The following ITGB3 variants were observed in gnomAD, a reference collection of about 807,000 sequenced individuals.
ITGB3 encodes integrin subunit beta 3.
In ITGB3, 48 loss-of-function variants were observed where a neutral mutation model predicts 85.8. The ratio of observed to expected loss-of-function variants is 0.56; its 90% CI spans 0.44 to 0.71. ITGB3 has a LOEUF of 0.71. Ranked by LOEUF, ITGB3 falls within the 30% of genes least tolerant of loss-of-function variation. The probability of loss-of-function intolerance (pLI) is 0.00; values close to 1 mark genes in which losing one functional copy is unlikely to be tolerated. For synonymous variants in ITGB3, 363 were observed against 395.6 expected (o/e 0.92, Z 0.98); for missense variants, 861 against 1,019.1 (o/e 0.84, Z 2.11).
Position 47,310,216 on chromosome 17 carries a change from C to T in ITGB3, c.*12C>T, listed in dbSNP as rs763559573. ...ACCGGGGCACTTAATGATAAGCAGT[C>T]ATCCTCAGATCATTATCAGCCTGTG... is the stretch of plus-strand genomic sequence containing the variant. On this transcript the variant is annotated 3_prime_UTR_variant, in exon 15 of 15. Transcript: ENST00000559488. The T allele has an allele frequency of 1.4e-5, 23 of 1,609,932 alleles. No homozygotes were observed. The East Asian group carries it at 5.1e-4, about 36-fold the overall frequency.
intron 2 of ITGB3, among the ~76,000 whole-genome samples, chr17:47,277,667 A>G (rs957200937): frequency 3.9e-5 from 6 of 152,234 alleles, no homozygotes; most frequent in Non-Finnish European, 7.3e-5. Context: ...TGTCCCAAAT[A>G]TTTGCTAAAT....
At chr17:47,263,916 G>T (rs1598679136) in intron 1 of ITGB3, among the ~76,000 whole-genome samples, 1 of 152,272 alleles carries the variant, frequency 6.6e-6, no homozygotes, top group Non-Finnish European at 1.5e-5. Context: ...TTTCCCTTGT[G>T]AACAAAAGTT....
rs544276300 is a variant in ITGB3, at chr17:47,274,437, C to T, written c.98C>T (p.Thr33Met). The change falls in exon 2 of 15, where the codon ACG becomes ATG. Residue 33 changes from threonine to methionine, a missense_variant. Coordinates refer to ENST00000559488, the MANE Select transcript of ITGB3 (RefSeq NM_000212.3). ...GTTGCAGGGCCCAACATCTGTACCACGCGAGGTGTGAGCTCCTGCCAGCAG... is the reference window on the plus strand; with the variant it reads ...GTTGCAGGGCCCAACATCTGTACCATGCGAGGTGTGAGCTCCTGCCAGCAG... ...VGVGGPNICT[T>M]RGVSSCQQCL... is the part of the protein sequence containing the mutation. The T allele has an allele frequency of 1.2e-5, 19 of 1,613,260 alleles. No homozygotes were observed. Among genetic ancestry groups the T allele is most frequent in the East Asian group, 4.5e-5 (2 of 44,880 alleles).
chr17:47,282,499 A>T (rs932680255), intron 2 of ITGB3, among the ~76,000 whole-genome samples: 2 of 152,228 alleles, frequency 1.3e-5, no homozygotes, highest in Non-Finnish European at 2.9e-5. Flanking sequence ...ACAGCTGAGG[A>T]AACTAGGCTT....
chr17:47,308,978 C>G (rs2065202063), intron 14 of ITGB3, among the ~76,000 whole-genome samples: 1 of 133,864 alleles, frequency 7.5e-6, no homozygotes, highest in Non-Finnish European at 1.6e-5. Flanking sequence ...CCTCCCCTCC[C>G]CTTCCTTTTA....
intron 10 of ITGB3, among the ~76,000 whole-genome samples, chr17:47,294,512 C>A (rs1741281978): frequency 6.6e-6 from 1 of 152,186 alleles, no homozygotes; most frequent in Non-Finnish European, 1.5e-5. Flanking sequence ...TGCCTCTCAC[C>A]AGTGCAAGAA....
intron 2 of ITGB3, among the ~76,000 whole-genome samples, chr17:47,280,987 C>A (rs1325948914): frequency 6.6e-6 from 1 of 152,188 alleles, no homozygotes; most frequent in Admixed American, 6.5e-5. Flanking sequence ...CAACTTTGAG[C>A]AAATTCCTTA....
chr17:47,261,342 G>A (rs889447715), intron 1 of ITGB3, among the ~76,000 whole-genome samples: 3 of 152,018 alleles, frequency 2.0e-5, no homozygotes, highest in Non-Finnish European at 4.4e-5. Flanking sequence ...TTTAAAAAAA[G>A]GCAGCTCAGA....
intron 1 of ITGB3, among the ~76,000 whole-genome samples, chr17:47,254,740 G>A (rs560672333): frequency 6.6e-6 from 1 of 152,292 alleles, no homozygotes; most frequent in East Asian, 1.9e-4. Context: ...TTGGTACTGG[G>A]GACACAGGTG....
chr17:47,292,601 A>T (rs1389145968), intron 10 of ITGB3, 33 bp downstream of exon 10: 1 of 1,597,022 alleles, frequency 6.3e-7, no homozygotes, highest in Non-Finnish European at 8.5e-7. Context: ...CTGTCCTGGA[A>T]CCCACACCCC....
chr17:47,266,756 A>C (rs1008712497), intron 1 of ITGB3, among the ~76,000 whole-genome samples: 3 of 151,978 alleles, frequency 2.0e-5, no homozygotes, highest in Non-Finnish European at 2.9e-5. Flanking sequence ...TTTTAAAAAA[A>C]TTTTCATAGA....
intron 1 of ITGB3, among the ~76,000 whole-genome samples, chr17:47,270,312 A>G (rs2065040038): frequency 6.6e-6 from 1 of 152,094 alleles, no homozygotes; most frequent in Non-Finnish European, 1.5e-5. Flanking sequence ...GTCCAGAATT[A>G]CCCCTTGGCA....
At chr17:47,307,147 C>A (rs2065191565) in intron 13 of ITGB3, among the ~76,000 whole-genome samples, 1 of 152,034 alleles carries the variant, frequency 6.6e-6, no homozygotes, top group Admixed American at 6.5e-5. Flanking sequence ...CCACCTCCTC[C>A]CCGTCTCCAC....
At chr17:47,301,590 G>A (rs1046792501) in intron 12 of ITGB3, among the ~76,000 whole-genome samples, 2 of 152,098 alleles carry the variant, frequency 1.3e-5, no homozygotes, top group African/African-American at 4.8e-5. Context: ...GGGTATTACA[G>A]GCTAATTGAT....
At chr17:47,304,673 T>C (rs2065180677) in intron 13 of ITGB3, among the ~76,000 whole-genome samples, 1 of 152,154 alleles carries the variant, frequency 6.6e-6, no homozygotes, top group Non-Finnish European at 1.5e-5. Flanking sequence ...AGCGGCGTGA[T>C]CTTGGCTCAC....
chr17:47,255,346 T>G (rs1467832219), intron 1 of ITGB3, among the ~76,000 whole-genome samples: 2 of 152,098 alleles, frequency 1.3e-5, no homozygotes, highest in Admixed American at 6.5e-5. Context: ...TCGAAAATAC[T>G]TTAGTGATTC....
At chr17:47,289,379 G>A (rs561247567) in intron 6 of ITGB3, among the ~76,000 whole-genome samples, 1 of 152,044 alleles carries the variant, frequency 6.6e-6, no homozygotes, top group African/African-American at 2.4e-5. Context: ...AGGCTGGAGT[G>A]CAGTGGTGCA....
At position 47,310,156 on chromosome 17, in the gene ITGB3, T is replaced by C. The variant is rs765101815; in HGVS notation, c.2319T>C (p.Tyr773=). 1.2e-6 allele frequency: 2 copies of C among 1,614,018 alleles called. No individual in the cohort carries two copies. The highest frequency in any genetic ancestry group is 1.1e-5 in the South Asian group (1 of 91,068). ...AKWDTANNPL[Y]KEATSTFTNI... ...CTCCACAGGCCAACAACCCACTGTA[T>C]AAAGAGGCCACGTCTACCTTCACCA... The change falls in exon 15 of 15, where the codon TAT becomes TAC. Residue 773 remains tyrosine, a synonymous_variant. Transcript: ENST00000559488.
chr17:47,265,597 C>A (rs1272307228), intron 1 of ITGB3, among the ~76,000 whole-genome samples: 3 of 152,170 alleles, frequency 2.0e-5, no homozygotes, highest in Non-Finnish European at 4.4e-5. Context: ...AGGGCCTACC[C>A]TAACGACATC....
Sources: allele counts gnomAD v4.1 joint callset (sites outside exome capture counted in the v4.1 genomes callset), GRCh38; gene constraint gnomAD v4.1.1; transcripts MANE v1.5; gene names NCBI Gene and HGNC (gene_info 2026-07-23, HGNC 2026-07-21).